Variants in DNAAF9 observed in about 807,000 individuals in gnomAD.
DNAAF9 encodes the protein shulin.
A neutral mutation model predicts 167.0 loss-of-function variants in DNAAF9; 90 were observed. That is an observed-to-expected ratio of 0.54 (90% CI 0.45 to 0.64). The LOEUF (loss-of-function observed/expected upper bound fraction) is 0.64, where lower values mean the gene tolerates loss of function less well. DNAAF9 is among the 30% of genes least tolerant of loss of function. The pLI is 0.00. For synonymous variants in DNAAF9, 491 were observed against 508.8 expected (o/e 0.96, Z 0.47); for missense variants, 1,315 against 1,442.2 (o/e 0.91, Z 1.43).
At chr20:3,343,067 G>C (rs1234501733) in intron 9 of DNAAF9, among the ~76,000 whole-genome samples, 1 of 151,946 alleles carries the variant, frequency 6.6e-6, no homozygotes, top group Non-Finnish European at 1.5e-5. Context: ...TCATTTGTTA[G>C]GTCCCATTTA....
intron 8 of DNAAF9, among the ~76,000 whole-genome samples, chr20:3,345,196 T>C (rs2070169668): frequency 6.6e-6 from 1 of 152,176 alleles, no homozygotes; most frequent in Non-Finnish European, 1.5e-5. Context: ...TTTTGCGTTT[T>C]TAGTAGAGAC....
chr20:3,309,173 T>C (rs1251858095), intron 20 of DNAAF9, among the ~76,000 whole-genome samples: 1 of 152,122 alleles, frequency 6.6e-6, no homozygotes, highest in East Asian at 1.9e-4. Flanking sequence ...TTTCAGGATT[T>C]TCAAAAAACT....
chr20:3,335,782 T>C (rs1007946801), intron 10 of DNAAF9, among the ~76,000 whole-genome samples: 7 of 141,982 alleles, frequency 4.9e-5, no homozygotes, highest in African/African-American at 1.6e-4. Flanking sequence ...AAAAAAATTG[T>C]CTTCCCCCTA....
At chr20:3,374,824 A>T (rs772746323) in intron 5 of DNAAF9, among the ~76,000 whole-genome samples, 3 of 152,220 alleles carry the variant, frequency 2.0e-5, no homozygotes, top group Non-Finnish European at 4.4e-5. Context: ...GATTTTGGGC[A>T]GCCTGCTGTG....
At position 3,290,175 on chromosome 20, in the gene DNAAF9, T is replaced by C. The variant is rs771974235; in HGVS notation, c.2281A>G (p.Ser761Gly). ...GTGACCAGAAAAGCACAGAGCTCGC[T>C]AGCGTGACAGCCTGGGAGGCCGGTT... ...IVTGLPGCHA[S>G]ELCAFLVTLH... The change falls in exon 26 of 37, where the codon AGC becomes GGC. Residue 761 changes from serine to glycine, a missense_variant. Coordinates refer to ENST00000252032, the MANE Select transcript of DNAAF9 (RefSeq NM_001009984.3). The C allele has an allele frequency of 1.9e-6, 3 of 1,613,386 alleles. No individual in the cohort carries two copies. The highest frequency in any genetic ancestry group is 1.7e-5 in the Admixed American group (1 of 60,028).
intron 27 of DNAAF9, among the ~76,000 whole-genome samples, chr20:3,284,571 ATTTTC>A (rs1168126567): frequency 1.3e-5 from 2 of 149,596 alleles, no homozygotes; most frequent in Non-Finnish European, 3.0e-5. Context: ...TTCTGTCAGT[ATTTTC>A]TTTATTAAAA....
intron 12 of DNAAF9, 48 bp downstream of exon 12, chr20:3,330,598 C>T: frequency 1.7e-6 from 2 of 1,155,610 alleles, no homozygotes; most frequent in Non-Finnish European, 2.6e-6. Flanking sequence ...ACAGTCACAA[C>T]TGAGTAACTC....
At chr20:3,334,355 A>G (rs1447368726) in intron 10 of DNAAF9, among the ~76,000 whole-genome samples, 1 of 152,118 alleles carries the variant, frequency 6.6e-6, no homozygotes, top group Non-Finnish European at 1.5e-5. Flanking sequence ...CCCTCTCCAA[A>G]TGAATAGTTT....
intron 13 of DNAAF9, among the ~76,000 whole-genome samples, 170 bp downstream of exon 13, chr20:3,326,027 C>G (rs1568605860): frequency 6.6e-6 from 1 of 152,192 alleles, no homozygotes; most frequent in East Asian, 1.9e-4. Context: ...GCAGCACAGT[C>G]ACAGGCAGCA....
At chr20:3,356,526 C>T (rs1387725345) in intron 7 of DNAAF9, among the ~76,000 whole-genome samples, 1 of 152,190 alleles carries the variant, frequency 6.6e-6, no homozygotes, top group South Asian at 2.1e-4. Context: ...GATGCAATTA[C>T]TTTCTTATGA....
At chr20:3,313,329 T>C (rs1487572542) in intron 20 of DNAAF9, among the ~76,000 whole-genome samples, 2 of 152,210 alleles carry the variant, frequency 1.3e-5, no homozygotes, top group Non-Finnish European at 2.9e-5. Context: ...TCCAGCAGTA[T>C]GTGGATAGAA....
chr20:3,262,965 CTTTTTTTTTTTTTT>C (rs796491974), intron 31 of DNAAF9, among the ~76,000 whole-genome samples: 1,250 of 81,390 alleles, frequency 0.015, 29 homozygotes, highest in African/African-American at 0.056. Context: ...CATAGCAGAT[CTTTTTTTTTTTTTT>C]TTTTTTTTTT....
intron 6 of DNAAF9, chr20:3,362,036 A>G: frequency 6.8e-7 from 1 of 1,469,534 alleles, no homozygotes; most frequent in Non-Finnish European, 9.5e-7. Flanking sequence ...CCACTCCATT[A>G]GAACTATTAA....
At position 3,374,167 on chromosome 20, in the gene DNAAF9, A is replaced by C; in HGVS notation, c.506-13T>G. On this transcript the variant is annotated splice_polypyrimidine_tract_variant and intron_variant, in intron 5 of 36. Transcript: ENST00000252032. ...ATCTGCAAGTGACCTAGAAGAATCA[A>C]ATACAACAACACATATCAGATACCA... 1.3e-6 allele frequency: 2 copies of C among 1,542,128 alleles called. No homozygotes were observed. The highest frequency in any genetic ancestry group is 1.8e-6 in the Non-Finnish European group (2 of 1,114,486).
intron 20 of DNAAF9, chr20:3,307,098 G>A: frequency 1.0e-6 from 1 of 985,184 alleles, no homozygotes; most frequent in Non-Finnish European, 1.2e-6. Flanking sequence ...ACAGATTGGA[G>A]AAGCTGGCAC....
At chr20:3,359,133 G>A (rs1238304771) in intron 7 of DNAAF9, among the ~76,000 whole-genome samples, 1 of 152,008 alleles carries the variant, frequency 6.6e-6, no homozygotes, top group African/African-American at 2.4e-5. Context: ...TTTGCCCCCC[G>A]GGCTCTAATC....
At chr20:3,309,189 GT>G (rs1009800965) in intron 20 of DNAAF9, among the ~76,000 whole-genome samples, 5 of 148,358 alleles carry the variant, frequency 3.4e-5, no homozygotes, top group Non-Finnish European at 4.5e-5. Context: ...AAACTTGTTG[GT>G]TTTTTTTTTC....
At chr20:3,367,901 C>T (rs1238554645) in intron 6 of DNAAF9, among the ~76,000 whole-genome samples, 2 of 141,252 alleles carry the variant, frequency 1.4e-5, no homozygotes, top group Non-Finnish European at 3.1e-5. Flanking sequence ...TGCCACAAAC[C>T]ATCAATTTGT....
At position 3,284,891 on chromosome 20, in the gene DNAAF9, A is replaced by C. The variant is rs141885031; in HGVS notation, c.2486+2741T>G. Reference sequence around the variant, plus strand: ...TGTGTATGTGTGTGTGTGTGTATTAAGTTCTATTCAATTTTACCACCTGTG... The same window carrying C: ...TGTGTATGTGTGTGTGTGTGTATTACGTTCTATTCAATTTTACCACCTGTG... On this transcript the variant is annotated intron_variant, in intron 27 of 36. Transcript: ENST00000252032. Among the ~76,000 whole-genome samples, 997 of 151,132 alleles carry C rather than the reference A, an allele frequency of 6.6e-3. 9 individuals carry two copies. The highest frequency in any genetic ancestry group is 0.023 in the African/African-American group (954 of 40,834).
Sources: allele counts gnomAD v4.1 joint callset (sites outside exome capture counted in the v4.1 genomes callset), GRCh38; gene constraint gnomAD v4.1.1; transcripts MANE v1.5; gene names NCBI Gene and HGNC (gene_info 2026-07-23, HGNC 2026-07-21).